Variants in NDE1 observed in about 807,000 individuals in gnomAD.
NDE1 encodes nudE neurodevelopment protein 1.
A neutral mutation model predicts 43.4 loss-of-function variants in NDE1; 28 were observed. The observed-to-expected ratio is 0.65, with a 90% CI of 0.48 to 0.89. The LOEUF is 0.89. Among genes scored for constraint, NDE1 ranks in the 40% least tolerant of loss-of-function variants. The pLI is 0.00. For missense variants in NDE1, 441 were observed against 434.1 expected (o/e 1.02, Z -0.14); for synonymous variants, 184 against 172.0 (o/e 1.07, Z -0.55).
chr16:15,701,997 T>A (rs1407455114), intron 8 of NDE1: 2 of 152,250 alleles, frequency 1.3e-5, no homozygotes, highest in Non-Finnish European at 2.9e-5. Context: ...GAAAAACTTT[T>A]TTTAACCAAG....
At chr16:15,722,542 A>G (rs2040541060) in intron 8 of NDE1, among the ~76,000 whole-genome samples, 1 of 152,218 alleles carries the variant, frequency 6.6e-6, no homozygotes. Flanking sequence ...ACTACACTCT[A>G]TGTGACAGGA....
chr16:15,643,599 C>G (rs1159422702), exon 1 of NDE1: 1 of 296,870 alleles, frequency 3.4e-6, no homozygotes, highest in African/African-American at 2.4e-5. Flanking sequence ...CGGGTCTCGT[C>G]ACGTGATGGT....
chr16:15,661,323 T>C (rs1042020048), intron 1 of NDE1, among the ~76,000 whole-genome samples: 1 of 152,126 alleles, frequency 6.6e-6, no homozygotes, highest in Non-Finnish European at 1.5e-5. Flanking sequence ...TAATTTTTTG[T>C]ATTTTTAATA....
intron 1 of NDE1, among the ~76,000 whole-genome samples, chr16:15,653,381 C>T (rs1053613234): frequency 6.6e-6 from 1 of 152,170 alleles, no homozygotes; most frequent in Non-Finnish European, 1.5e-5. Context: ...ACTGATGTTG[C>T]CCCAGTGATG....
chr16:15,686,568 C>T (rs1457279443), intron 4 of NDE1: 23 of 983,016 alleles, frequency 2.3e-5, no homozygotes, highest in South Asian at 1.4e-4. Flanking sequence ...ATCTCAGTAA[C>T]TCAGGAGGCT....
intron 8 of NDE1, chr16:15,717,615 T>G (rs2040232031): frequency 1.8e-6 from 1 of 569,508 alleles, no homozygotes; most frequent in Non-Finnish European, 3.1e-6. Context: ...GCCAACATGG[T>G]GAAACCCCGT....
chr16:15,718,360 G>A, intron 8 of NDE1: 1 of 1,602,072 alleles, frequency 6.2e-7, no homozygotes, highest in Non-Finnish European at 8.5e-7. Flanking sequence ...CCTCCATGTT[G>A]CCCTGCTCCT....
chr16:15,705,060 A>G (rs2039375270), intron 8 of NDE1, among the ~76,000 whole-genome samples: 1 of 152,088 alleles, frequency 6.6e-6, no homozygotes. Flanking sequence ...GCTCACTGCA[A>G]CCTCTGCCTC....
chr16:15,714,889 C>T, intron 8 of NDE1: 1 of 1,612,702 alleles, frequency 6.2e-7, no homozygotes. Flanking sequence ...CGGGGTCCTC[C>T]CGGGCCACGG....
At chr16:15,678,878 C>T (rs1400493088) in intron 4 of NDE1, among the ~76,000 whole-genome samples, 3 of 152,158 alleles carry the variant, frequency 2.0e-5, no homozygotes, top group East Asian at 3.9e-4. Context: ...AGATCGAGAC[C>T]ATCCTGGCTA....
At chr16:15,668,751 A>G (rs1235133182) in intron 3 of NDE1, among the ~76,000 whole-genome samples, 1 of 152,180 alleles carries the variant, frequency 6.6e-6, no homozygotes, top group Non-Finnish European at 1.5e-5. Context: ...TAGTGGACAG[A>G]GGGGCTGCAG....
intron 6 of NDE1, among the ~76,000 whole-genome samples, chr16:15,693,215 G>C (rs1392225943): frequency 2.0e-5 from 3 of 152,120 alleles, no homozygotes; most frequent in African/African-American, 7.2e-5. Flanking sequence ...ATGTTGGCCA[G>C]GCTGGTCTTG....
chr16:15,699,627 C>A (rs1356901540), intron 8 of NDE1: 4 of 1,259,482 alleles, frequency 3.2e-6, no homozygotes, highest in Non-Finnish European at 4.1e-6. Context: ...TGAGACCCTG[C>A]TCCTGACTCT....
intron 6 of NDE1, among the ~76,000 whole-genome samples, chr16:15,691,836 C>T (rs574822190): frequency 1.3e-5 from 2 of 151,642 alleles, no homozygotes; most frequent in African/African-American, 4.8e-5. Flanking sequence ...GCCATGTCGC[C>T]CAGGCTGGTA....
chr16:15,697,626 T>C (rs568783315), intron 8 of NDE1, among the ~76,000 whole-genome samples: 1 of 152,118 alleles, frequency 6.6e-6, no homozygotes, highest in African/African-American at 2.4e-5. Flanking sequence ...GGAAGGAGAA[T>C]CACTTGAACC....
intron 5 of NDE1, among the ~76,000 whole-genome samples, chr16:15,690,353 C>CTTTTCTTTTTTT (rs2038681608): frequency 1.2e-5 from 1 of 80,950 alleles, no homozygotes; most frequent in Non-Finnish European, 2.2e-5. Context: ...TTTTTTTTTT[C>CTTTTCTTTTTTT]TTTTTTTTTT....
At chr16:15,663,301 A>G (rs2037139926) in intron 1 of NDE1, among the ~76,000 whole-genome samples, 1 of 148,120 alleles carries the variant, frequency 6.8e-6, no homozygotes, top group Non-Finnish European at 1.5e-5. Flanking sequence ...GTGCAGCGGC[A>G]CGATCTCAGC....
upstream of NDE1, among the ~76,000 whole-genome samples, chr16:15,648,994 G>A (rs918867555): frequency 3.9e-5 from 6 of 151,910 alleles, no homozygotes; most frequent in Non-Finnish European, 8.8e-5. Context: ...ACAGGGATTC[G>A]AGAGCAGCCT....
At chr16:15,659,425 CTTTTTTTTTTTTTTTTTTTTT>C (rs35091023) in intron 1 of NDE1, among the ~76,000 whole-genome samples, 2 of 58,908 alleles carry the variant, frequency 3.4e-5, no homozygotes, top group East Asian at 1.0e-3. Context: ...TGCACACAAT[CTTTTTTTTTTTTTTTTTTTTT>C]TTTTTTTTGA....
Sources: allele counts gnomAD v4.1 joint callset (sites outside exome capture counted in the v4.1 genomes callset), GRCh38; gene constraint gnomAD v4.1.1; transcripts MANE v1.5; gene names NCBI Gene and HGNC (gene_info 2026-07-23, HGNC 2026-07-21).